The following PTGS1 variants were observed in gnomAD, a reference collection of about 807,000 sequenced individuals.
The protein encoded by PTGS1 is prostaglandin-endoperoxide synthase 1, also known as prostaglandin G/H synthase 1.
PTGS1 carries 40 observed loss-of-function variants against 63.0 expected under a neutral mutation model. That is an observed-to-expected ratio of 0.63 (90% CI 0.49 to 0.83). The LOEUF (loss-of-function observed/expected upper bound fraction) is 0.83, where lower values mean the gene tolerates loss of function less well. Among genes scored for constraint, PTGS1 ranks in the 40% least tolerant of loss-of-function variants. The probability of loss-of-function intolerance (pLI) is 0.00; values close to 1 mark genes in which losing one functional copy is unlikely to be tolerated. For synonymous variants in PTGS1, 298 were observed against 301.9 expected (o/e 0.99, Z 0.13); for missense variants, 709 against 786.5 (o/e 0.90, Z 1.18).
chr9:122,375,302 G>C (rs374663959), intron 2 of PTGS1: 1 of 985,370 alleles, frequency 1.0e-6, no homozygotes, highest in African/African-American at 1.7e-5. Context: ...GTGGGCAGCC[G>C]TTCCAGCTTC....
intron 5 of PTGS1, 91 bp from the exon 6 acceptor site, chr9:122,381,280 C>T (rs566847283): frequency 4.2e-6 from 6 of 1,411,826 alleles, no homozygotes; most frequent in Non-Finnish European, 5.7e-6. Context: ...GGGCTTCCTG[C>T]TTGGGCCAGT....
chr9:122,377,467 C>T (rs908179436), intron 2 of PTGS1, among the ~76,000 whole-genome samples: 7 of 151,770 alleles, frequency 4.6e-5, no homozygotes, highest in African/African-American at 9.7e-5. Flanking sequence ...CTTTTCTGAC[C>T]GCCCCCCCAC....
chr9:122,377,776 G>A, intron 2 of PTGS1, 123 bp from the exon 3 acceptor site: 1 of 824,766 alleles, frequency 1.2e-6, no homozygotes. Context: ...CTGGCACCCA[G>A]TGATTCAGGA....
chr9:122,378,805 C>A lies in PTGS1; in HGVS notation c.383C>A (p.Thr128Asn). The A allele has an allele frequency of 6.2e-7, 1 of 1,614,244 alleles. No individual in the cohort carries two copies. Among genetic ancestry groups the A allele is most frequent in the Non-Finnish European group, 8.5e-7 (1 of 1,180,040 alleles). The change falls in exon 5 of 11, where the codon ACC (threonine) becomes AAC (asparagine). Residue 128 changes from threonine (T) to asparagine (N), a missense_variant. Coordinates refer to ENST00000362012, the MANE Select transcript of PTGS1 (RefSeq NM_000962.4). ...TCCAACCTTATCCCCAGTCCCCCCA[C>A]CTACAACTCAGCACATGACTACATC... is the stretch of plus-strand genomic sequence containing the variant. ...VRSNLIPSPP[T>N]YNSAHDYISW...
chr9:122,386,228 G>A (rs1018958026), intron 8 of PTGS1, among the ~76,000 whole-genome samples: 1 of 152,100 alleles, frequency 6.6e-6, no homozygotes, highest in Non-Finnish European at 1.5e-5. Flanking sequence ...CTTGAGCCCG[G>A]GAAAGTTCAG....
chr9:122,381,788 C>G (rs1339693771), intron 7 of PTGS1, 41 bp downstream of exon 7: 1 of 1,578,562 alleles, frequency 6.3e-7, no homozygotes, highest in Non-Finnish European at 8.7e-7. Context: ...GAGGGGTCTC[C>G]CATGGTCTTC....
chr9:122,381,184 C>T (rs930153045), intron 5 of PTGS1, among the ~76,000 whole-genome samples, 187 bp from the exon 6 acceptor site: 5 of 152,184 alleles, frequency 3.3e-5, no homozygotes, highest in Admixed American at 6.5e-5. Flanking sequence ...AATCATGCCA[C>T]TTCACCCATA....
chr9:122,378,539 C>T lies in PTGS1; in HGVS notation c.318C>T (p.Phe106=). The change falls in exon 4 of 11, where the codon TTC becomes TTT. Residue 106 remains phenylalanine (F), a synonymous_variant. Transcript: ENST00000362012. ...RWFWEFVNAT[F]IREMLMRLVL... is the part of the protein sequence containing the mutation. ...TCTGGGAGTTTGTCAATGCCACCTT[C>T]ATCCGAGAGATGCTCATGCGCCTGG... 1.2e-6 allele frequency: 2 copies of T among 1,614,258 alleles called. No homozygotes were observed.
Position 122,381,641 on chromosome 9 carries a change from A to C in PTGS1, c.679-23A>C. 5 of 1,613,626 alleles carry C rather than the reference A, an allele frequency of 3.1e-6. No homozygotes were observed. In the South Asian group the frequency reaches 4.4e-5, roughly 14 times the overall value. Reference sequence around the variant, plus strand: ...AGTGGGCCGGCACCCTGGTGACCTGAGGGAACCCCTCTCTGTCCACAGGTA... The same window carrying C: ...AGTGGGCCGGCACCCTGGTGACCTGCGGGAACCCCTCTCTGTCCACAGGTA... On this transcript the variant is annotated intron_variant, in intron 6 of 10. Coordinates refer to ENST00000362012, the MANE Select transcript of PTGS1 (RefSeq NM_000962.4).
At position 122,371,216 on chromosome 9, in the gene PTGS1, T is replaced by C; in HGVS notation, c.38T>C (p.Leu13Pro). ...CTCTTGCTCTGGTTCTTGCTGTTCC[T>C]GCTCCTGCTCCCGCCGCTCCCCGTC... The part of the protein sequence containing the change: ...RSLLLWFLLF[L>P]LLLPPLPVLL... Residue 13 changes from leucine to proline, a missense_variant, in exon 2 of 11, where the codon CTG (leucine) becomes CCG (proline). Coordinates refer to ENST00000362012, the MANE Select transcript of PTGS1 (RefSeq NM_000962.4). The C allele has an allele frequency of 6.3e-7, 1 of 1,588,230 alleles. No individual in the cohort carries two copies. The highest frequency in any genetic ancestry group is 8.6e-7 in the Non-Finnish European group (1 of 1,162,104).
chr9:122,371,015 GC>G, upstream of PTGS1: 1 of 1,538,910 alleles, frequency 6.5e-7, no homozygotes, highest in South Asian at 1.2e-5. Flanking sequence ...ATGGGCTGGA[GC>G]TCCGGGCAGT....
intron 2 of PTGS1, chr9:122,371,736 T>A: frequency 6.6e-7 from 1 of 1,523,740 alleles, no homozygotes; most frequent in Non-Finnish European, 8.8e-7. Flanking sequence ...TGGTGAAGAC[T>A]TCGGGAGAAC....
At chr9:122,376,221 C>A (rs562055768) in intron 2 of PTGS1, among the ~76,000 whole-genome samples, 4 of 152,156 alleles carry the variant, frequency 2.6e-5, no homozygotes, top group African/African-American at 4.8e-5. Flanking sequence ...CCTGATAAAG[C>A]CTTTTTGTCC....
intron 10 of PTGS1, among the ~76,000 whole-genome samples, chr9:122,391,376 T>TATATATAC (rs1838246575): frequency 9.4e-6 from 1 of 106,104 alleles, no homozygotes. Flanking sequence ...TATATACATA[T>TATATATAC]ATATATATAC....
At chr9:122,388,037 C>A (rs1335604753) in intron 9 of PTGS1, among the ~76,000 whole-genome samples, 1 of 152,156 alleles carries the variant, frequency 6.6e-6, no homozygotes. Context: ...CTTTATGGTT[C>A]TTTGTGGGGA....
chr9:122,373,856 C>CT (rs35871335), intron 2 of PTGS1, among the ~76,000 whole-genome samples: 3,729 of 147,188 alleles, frequency 0.025, 72 homozygotes, highest in Non-Finnish European at 0.035. Context: ...GGTTCCCCAC[C>CT]TTTTTTTTTT....
chr9:122,381,478 C>A lies in PTGS1; in HGVS notation c.604C>A (p.Gln202Lys). The part of the protein sequence containing the change: ...GTNLMFAFFA[Q>K]HFTHQFFKTS... ...CAACCTCATGTTTGCCTTCTTTGCA[C>A]AACACTTCACCCACCAGTTCTTCAA... Residue 202 changes from glutamine (Q) to lysine (K), a missense_variant, in exon 6 of 11, where the codon CAA becomes AAA. Transcript: ENST00000362012. 6.2e-7 allele frequency: 1 copy of A among 1,614,212 alleles called. No individual in the cohort carries two copies. The highest frequency in any genetic ancestry group is 1.3e-5 in the African/African-American group (1 of 75,046).
Position 122,383,496 on chromosome 9 carries a change from C to A in PTGS1, c.763-13C>A, listed in dbSNP as rs933853583. 6.3e-7 allele frequency: 1 copy of A among 1,586,326 alleles called. No homozygotes were observed. Among genetic ancestry groups the A allele is most frequent in the Admixed American group, 1.7e-5 (1 of 59,074 alleles). On this transcript the variant is annotated splice_polypyrimidine_tract_variant and intron_variant, in intron 7 of 10. Coordinates refer to ENST00000362012, the MANE Select transcript of PTGS1 (RefSeq NM_000962.4). Reference sequence around the variant, plus strand: ...CCCCCAACCCCAGGTTGCCAGGTGGCCCCATCCCACAGGTGCTGGATGGAG... The same window carrying A: ...CCCCCAACCCCAGGTTGCCAGGTGGACCCATCCCACAGGTGCTGGATGGAG...
chr9:122,391,325 T>C (rs1342987210), intron 10 of PTGS1, among the ~76,000 whole-genome samples: 2 of 123,458 alleles, frequency 1.6e-5, no homozygotes, highest in Non-Finnish European at 3.1e-5. Flanking sequence ...CACACACATA[T>C]ATATGTGTGT....
Sources: allele counts gnomAD v4.1 joint callset (sites outside exome capture counted in the v4.1 genomes callset), GRCh38; gene constraint gnomAD v4.1.1; transcripts MANE v1.5; gene names NCBI Gene and HGNC (gene_info 2026-07-23, HGNC 2026-07-21).